Variants in KHDRBS2 observed in about 807,000 individuals in gnomAD.
KHDRBS2 encodes KH domain-containing, RNA-binding, signal transduction-associated protein 2.
Under a neutral mutation model 44.3 loss-of-function variants are expected in KHDRBS2, and 26 were observed. That is an observed-to-expected ratio of 0.59 (90% confidence interval 0.43 to 0.81). The LOEUF is 0.81. Ranked by LOEUF, KHDRBS2 falls within the 40% of genes least tolerant of loss-of-function variation. The pLI is 0.00. For missense variants in KHDRBS2, 476 were observed against 433.1 expected, an observed-to-expected ratio of 1.10 and a Z score of -0.88; for synonymous variants, 194 against 151.1, an observed-to-expected ratio of 1.28 and a Z score of -2.08.
At chr6:61,728,841 TA>T (rs763723010) in intron 7 of KHDRBS2, among the ~76,000 whole-genome samples, 2 of 152,178 alleles carry the variant, frequency 1.3e-5, no homozygotes, top group African/African-American at 2.4e-5. Context: ...ATTTTCTTTT[TA>T]AAAAAACTTT....
chr6:62,107,180 A>T (rs1347258912), intron 2 of KHDRBS2, among the ~76,000 whole-genome samples: 1 of 151,664 alleles, frequency 6.6e-6, no homozygotes. Context: ...ACATGATTGT[A>T]TATCTAGAAA....
intron 1 of KHDRBS2, among the ~76,000 whole-genome samples, chr6:62,199,645 A>T (rs1408290970): frequency 1.3e-5 from 2 of 152,218 alleles, no homozygotes; most frequent in East Asian, 3.9e-4. Flanking sequence ...ATATCGTGAA[A>T]ACGGCCATAC....
chr6:61,640,707 C>A, the KHDRBS2 span, among the ~76,000 whole-genome samples: 2 of 152,134 alleles, frequency 1.3e-5, no homozygotes, highest in Non-Finnish European at 2.9e-5. Flanking sequence ...CAGAGCACTT[C>A]TTTTTCTTTG....
chr6:61,553,393 T>C, the KHDRBS2 span, among the ~76,000 whole-genome samples: 1 of 152,088 alleles, frequency 6.6e-6, no homozygotes, highest in Non-Finnish European at 1.5e-5. Context: ...CTGCCCTCTT[T>C]TTTCATTATT....
chr6:62,169,263 G>T (rs1379532241), intron 2 of KHDRBS2, among the ~76,000 whole-genome samples: 5 of 149,340 alleles, frequency 3.3e-5, no homozygotes, highest in Admixed American at 2.7e-4. Flanking sequence ...CTTTTTAACT[G>T]CTCCTTGCAA....
chr6:61,830,528 T>C (rs186644501), intron 6 of KHDRBS2, among the ~76,000 whole-genome samples: 130 of 152,356 alleles, frequency 8.5e-4, no homozygotes, highest in African/African-American at 3.1e-3. Flanking sequence ...CCACTGATTA[T>C]TGAATTCTGC....
intron 2 of KHDRBS2, among the ~76,000 whole-genome samples, chr6:62,138,526 C>G (rs1374656340): frequency 3.3e-5 from 5 of 152,178 alleles, no homozygotes; most frequent in Non-Finnish European, 7.4e-5. Context: ...GTGACCAACT[C>G]AAAGTCTGAT....
chr6:61,965,306 G>C (rs1456714696), intron 4 of KHDRBS2, among the ~76,000 whole-genome samples: 1 of 152,002 alleles, frequency 6.6e-6, no homozygotes, highest in Admixed American at 6.6e-5. Context: ...GAGGCAAGAG[G>C]ACCCAGTCTA....
the KHDRBS2 span, among the ~76,000 whole-genome samples, chr6:61,628,225 TTTTTTTTTTTTTTTTTC>T: frequency 2.2e-4 from 19 of 86,388 alleles, 1 homozygote; most frequent in South Asian, 7.8e-3. Context: ...TTTTTTTTTT[TTTTTTTTTTTTTTTTTC>T]AACCTGGGCT....
intron 6 of KHDRBS2, among the ~76,000 whole-genome samples, chr6:61,813,700 C>A (rs1788473223): frequency 6.6e-6 from 1 of 152,274 alleles, no homozygotes; most frequent in Admixed American, 6.5e-5. Flanking sequence ...GCTCCCTGCT[C>A]AGTTCTACTA....
At chr6:62,052,113 G>T (rs1037309269) in intron 2 of KHDRBS2, among the ~76,000 whole-genome samples, 1 of 151,904 alleles carries the variant, frequency 6.6e-6, no homozygotes, top group Non-Finnish European at 1.5e-5. Context: ...ACTACTATAT[G>T]ACCCAACAAT....
At chr6:62,116,127 G>A (rs1287113555) in intron 2 of KHDRBS2, among the ~76,000 whole-genome samples, 2 of 152,140 alleles carry the variant, frequency 1.3e-5, no homozygotes, top group Non-Finnish European at 2.9e-5. Context: ...TATATTGTAT[G>A]CATACAAACT....
At chr6:61,916,293 C>CA (rs1200035741) in intron 4 of KHDRBS2, among the ~76,000 whole-genome samples, 3 of 151,996 alleles carry the variant, frequency 2.0e-5, no homozygotes, top group Non-Finnish European at 2.9e-5. Flanking sequence ...ATTCTATTCT[C>CA]AAAAAACTAC....
chr6:62,210,102 CTAAG>C (rs1344745111), intron 1 of KHDRBS2, among the ~76,000 whole-genome samples: 2 of 152,034 alleles, frequency 1.3e-5, no homozygotes, highest in Non-Finnish European at 2.9e-5. Context: ...CTAATACATC[CTAAG>C]TAAGAAAAAT....
chr6:61,713,327 T>A (rs1217420086), intron 7 of KHDRBS2, among the ~76,000 whole-genome samples: 3 of 151,652 alleles, frequency 2.0e-5, no homozygotes, highest in Non-Finnish European at 4.4e-5. Flanking sequence ...AAATTTGAAA[T>A]TCTAATTATA....
At chr6:61,816,456 A>T (rs1450775576) in intron 6 of KHDRBS2, among the ~76,000 whole-genome samples, 1 of 152,112 alleles carries the variant, frequency 6.6e-6, no homozygotes, top group Non-Finnish European at 1.5e-5. Flanking sequence ...GCTGCAAGCC[A>T]AGGAATGCCA....
chr6:62,013,521 TATA>T lies in KHDRBS2; in HGVS notation c.336+34354_336+34356del, dbSNP rs1422712203. On this transcript the variant is annotated intron_variant, in intron 3 of 8. Coordinates refer to ENST00000281156, the MANE Select transcript of KHDRBS2 (RefSeq NM_152688.4). ...TTGATTTTAGCAAAATTTTAATAAT[TATA>T]ATATCAAAAATGTGTTTAGTACAAT... Among the ~76,000 whole-genome samples the T allele has an allele frequency of 2.0e-4, 30 of 152,012 alleles. No homozygotes were observed. The East Asian group carries it at 5.6e-3, about 28-fold the overall frequency.
intron 5 of KHDRBS2, among the ~76,000 whole-genome samples, chr6:61,900,978 C>T (rs577714377): frequency 5.3e-5 from 8 of 152,230 alleles, no homozygotes; most frequent in East Asian, 1.9e-4. Flanking sequence ...AGACTGTCTA[C>T]GTGACCCCAG....
the KHDRBS2 span, among the ~76,000 whole-genome samples, chr6:61,639,131 G>A: frequency 1.3e-5 from 2 of 152,066 alleles, no homozygotes; most frequent in African/African-American, 2.4e-5. Flanking sequence ...GAAATGAGCT[G>A]ATGCATTTTG....
Sources: allele counts gnomAD v4.1 joint callset (sites outside exome capture counted in the v4.1 genomes callset), GRCh38; gene constraint gnomAD v4.1.1; transcripts MANE v1.5; gene names NCBI Gene and HGNC (gene_info 2026-07-23, HGNC 2026-07-21).